The following KYAT3 variants were observed in gnomAD, a reference collection of about 807,000 sequenced individuals.
KYAT3 encodes kynurenine--oxoglutarate transaminase 3.
KYAT3 carries 50 observed loss-of-function variants against 59.0 expected under a neutral mutation model. The observed-to-expected ratio is 0.85, with a 90% confidence interval of 0.68 to 1.07. The LOEUF is 1.07. Ranked by LOEUF, KYAT3 falls within the 50% of genes least tolerant of loss-of-function variation. The pLI, the probability that KYAT3 is intolerant of heterozygous loss-of-function variation, is 0.00. For synonymous variants in KYAT3, 148 were observed against 177.0 expected (o/e 0.84, Z 1.30); for missense variants, 497 against 533.3 (o/e 0.93, Z 0.67).
chr1:88,943,639 C>T (rs1411160745), intron 11 of KYAT3, among the ~76,000 whole-genome samples: 4 of 152,266 alleles, frequency 2.6e-5, no homozygotes, highest in Middle Eastern at 6.8e-3. Flanking sequence ...AGGCAGTACT[C>T]ACATATACAT....
intron 1 of KYAT3, among the ~76,000 whole-genome samples, chr1:88,992,101 C>T (rs1223690249): frequency 1.3e-5 from 2 of 151,784 alleles, no homozygotes; most frequent in Admixed American, 6.6e-5. Flanking sequence ...GCCTCAGCCT[C>T]CCGAGTAGCT....
At chr1:88,932,193 A>C (rs940576257), downstream of KYAT3, among the ~76,000 whole-genome samples, 2 of 152,248 alleles carry the variant, frequency 1.3e-5, no homozygotes, top group Non-Finnish European at 2.9e-5. Flanking sequence ...ACTGTGAAGA[A>C]ACCCTATGAC....
chr1:88,953,554 A>T, intron 9 of KYAT3, among the ~76,000 whole-genome samples: 1 of 151,800 alleles, frequency 6.6e-6, no homozygotes, highest in East Asian at 1.9e-4. Context: ...TCAAAAAAAA[A>T]AAAAAAAAAA....
chr1:88,961,359 T>A, intron 7 of KYAT3, 22 bp downstream of exon 7: 1 of 1,613,758 alleles, frequency 6.2e-7, no homozygotes, highest in African/African-American at 1.3e-5. Context: ...GAAGACTGTA[T>A]AAGGAGATGA....
intron 2 of KYAT3, among the ~76,000 whole-genome samples, 179 bp from the exon 3 acceptor site, chr1:88,969,646 A>C (rs1025824278): frequency 7.9e-5 from 12 of 151,222 alleles, no homozygotes; most frequent in African/African-American, 2.7e-4. Context: ...CCTACTACTG[A>C]AGGAATGCCT....
chr1:88,958,917 CA>C (rs1676031907), intron 8 of KYAT3, among the ~76,000 whole-genome samples: 1 of 152,158 alleles, frequency 6.6e-6, no homozygotes, highest in African/African-American at 2.4e-5. Context: ...ATCTCATATT[CA>C]AAGTCCTTTA....
At chr1:88,924,394 C>T in the KYAT3 span, among the ~76,000 whole-genome samples, 1 of 152,194 alleles carries the variant, frequency 6.6e-6, no homozygotes, top group African/African-American at 2.4e-5. Flanking sequence ...CATCCCTTTC[C>T]CCATCCTCCT....
chr1:88,954,450 G>C (rs1020356450), intron 9 of KYAT3, among the ~76,000 whole-genome samples: 1 of 152,106 alleles, frequency 6.6e-6, no homozygotes, highest in Non-Finnish European at 1.5e-5. Context: ...TTATGAGAAT[G>C]AAAGAAATTA....
intron 1 of KYAT3, among the ~76,000 whole-genome samples, chr1:88,992,106 G>A (rs1194345593): frequency 6.6e-6 from 1 of 151,702 alleles, no homozygotes; most frequent in Non-Finnish European, 1.5e-5. Flanking sequence ...AGCCTCCCGA[G>A]TAGCTGGGAC....
intron 11 of KYAT3, among the ~76,000 whole-genome samples, chr1:88,946,665 A>T (rs911984831): frequency 6.6e-6 from 1 of 152,008 alleles, no homozygotes; most frequent in Non-Finnish European, 1.5e-5. Flanking sequence ...AACTGTGCTA[A>T]TTTTTTTTAT....
the KYAT3 span, among the ~76,000 whole-genome samples, chr1:88,930,314 A>G: frequency 3.3e-5 from 5 of 152,334 alleles, no homozygotes; most frequent in East Asian, 9.6e-4. Flanking sequence ...CGTTTACTTA[A>G]ATATCAGGCT....
At chr1:88,990,404 C>G (rs1178083038) in intron 1 of KYAT3, among the ~76,000 whole-genome samples, 1 of 152,212 alleles carries the variant, frequency 6.6e-6, no homozygotes, top group African/African-American at 2.4e-5. Flanking sequence ...ACTTTTCACC[C>G]ATTACTCCAT....
At chr1:88,927,718 A>G in the KYAT3 span, among the ~76,000 whole-genome samples, 1 of 152,206 alleles carries the variant, frequency 6.6e-6, no homozygotes, top group African/African-American at 2.4e-5. Flanking sequence ...ATGTACCTTT[A>G]TCTCTCTCAG....
chr1:88,945,879 C>A (rs1217165005), intron 11 of KYAT3, among the ~76,000 whole-genome samples: 1 of 152,092 alleles, frequency 6.6e-6, no homozygotes, highest in African/African-American at 2.4e-5. Flanking sequence ...CATTTTTCCA[C>A]GAGTGAAGGA....
chr1:88,991,336 T>C (rs1402747272), intron 1 of KYAT3, among the ~76,000 whole-genome samples: 2 of 152,126 alleles, frequency 1.3e-5, no homozygotes, highest in Non-Finnish European at 2.9e-5. Flanking sequence ...AGTAAGAGAT[T>C]TAATTTGACA....
intron 2 of KYAT3, among the ~76,000 whole-genome samples, chr1:88,974,394 A>G (rs972963458): frequency 1.4e-5 from 2 of 144,364 alleles, no homozygotes; most frequent in Admixed American, 1.4e-4. Context: ...GCCATATTTT[A>G]CTCATTCATT....
chr1:88,972,296 AC>A (rs1320245363), intron 2 of KYAT3, among the ~76,000 whole-genome samples: 18 of 152,304 alleles, frequency 1.2e-4, no homozygotes, highest in Admixed American at 2.6e-4. Context: ...ACTGATTTAA[AC>A]GTTAATCTCA....
intron 2 of KYAT3, among the ~76,000 whole-genome samples, chr1:88,971,928 A>G (rs1483303466): frequency 5.3e-5 from 8 of 152,232 alleles, no homozygotes; most frequent in Admixed American, 5.2e-4. Context: ...GATATACAGC[A>G]TGACCAATTT....
intron 2 of KYAT3, chr1:88,980,701 T>G (rs1416440781): frequency 6.6e-6 from 1 of 152,310 alleles, no homozygotes; most frequent in African/African-American, 2.4e-5. Context: ...TCATTCATAT[T>G]TGGTACAAAC....
Sources: gnomAD v4.1 joint callset for allele counts (sites outside exome capture counted in the v4.1 genomes callset) on GRCh38, gnomAD v4.1.1 for gene constraint, MANE v1.5 for transcripts, NCBI Gene and HGNC (gene_info 2026-07-23, HGNC 2026-07-21) for gene names.